SERPINB8: variants seen among roughly 807,000 people sequenced by gnomAD.
SERPINB8 encodes serpin B8.
Under a neutral mutation model 35.3 loss-of-function variants are expected in SERPINB8, and 25 were observed. The observed-to-expected ratio is 0.71, with a 90% CI of 0.52 to 0.99. SERPINB8 has a LOEUF of 0.99. Among genes scored for constraint, SERPINB8 ranks in the 50% least tolerant of loss-of-function variants. The pLI is 0.00. For missense variants in SERPINB8, 484 were observed against 446.5 expected (o/e 1.08, Z -0.76); for synonymous variants, 186 against 160.8 (o/e 1.16, Z -1.19).
At chr18:63,986,632 T>C in intron 6 of SERPINB8, 20 of 1,321,284 alleles carry the variant, frequency 1.5e-5, no homozygotes, top group Non-Finnish European at 1.9e-5. Flanking sequence ...ATTGTTTTTA[T>C]TAAAAATTTC....
chr18:63,972,387 C>A lies in SERPINB8; in HGVS notation c.-11+2217C>A, dbSNP rs117207307. Among the ~76,000 whole-genome samples the A allele has an allele frequency of 5.5e-4, 84 of 152,218 alleles. No individual in the cohort carries two copies. In the East Asian group the frequency reaches 0.015, roughly 28 times the overall value. Reference sequence around the variant, plus strand: ...ATTGTCCATGTCAAAAACTAAAGAACTTATAGATATGGTTCTTTCAGTTTT... The same window carrying A: ...ATTGTCCATGTCAAAAACTAAAGAAATTATAGATATGGTTCTTTCAGTTTT... On this transcript the variant is annotated intron_variant, in intron 1 of 6. Coordinates refer to ENST00000397985, the MANE Select transcript of SERPINB8 (RefSeq NM_002640.4).
At chr18:63,972,147 G>A (rs971592007) in intron 1 of SERPINB8, among the ~76,000 whole-genome samples, 2 of 152,126 alleles carry the variant, frequency 1.3e-5, no homozygotes, top group African/African-American at 4.8e-5. Context: ...GCTGGAGGCC[G>A]TGTTTCCCTA....
chr18:63,985,905 A>G (rs1599151012), intron 6 of SERPINB8, among the ~76,000 whole-genome samples: 1 of 152,194 alleles, frequency 6.6e-6, no homozygotes, highest in East Asian at 1.9e-4. Context: ...TCATTTATAA[A>G]GTTTGCTGAT....
rs375996936 is a variant in SERPINB8, at chr18:63,971,187, C to G, written c.-11+1017C>G. On this transcript the variant is annotated intron_variant, in intron 1 of 6. Transcript: ENST00000397985. ...GCGCGCGCGCTCTCCCCTCGCCCTC[C>G]TCTGTCTCTTCCTTTTACTACCTCC... Among the ~76,000 whole-genome samples the G allele has an allele frequency of 6.6e-5, 10 of 152,302 alleles. No homozygotes were observed. In the East Asian group the frequency reaches 1.7e-3, roughly 26 times the overall value.
chr18:64,016,823 A>C (rs78672070), intron 7 of SERPINB8, among the ~76,000 whole-genome samples: 7 of 152,122 alleles, frequency 4.6e-5, no homozygotes, highest in Non-Finnish European at 7.3e-5. Context: ...CAAATCCCTC[A>C]TTTTCCATGA....
chr18:63,970,549 G>C (rs140384137), intron 1 of SERPINB8: 91 of 152,774 alleles, frequency 6.0e-4, no homozygotes, highest in African/African-American at 2.1e-3. Flanking sequence ...GGATGGGAGC[G>C]GGGGGTGACG....
downstream of SERPINB8, among the ~76,000 whole-genome samples, chr18:63,989,916 C>T (rs1444641320): frequency 5.4e-5 from 6 of 111,086 alleles, 1 homozygote; most frequent in Non-Finnish European, 5.0e-5. Flanking sequence ...GCACTCCAGC[C>T]TGGGCGACAG....
intron 1 of SERPINB8, among the ~76,000 whole-genome samples, chr18:63,971,992 TTTTTTC>T (rs200188834): frequency 7.1e-6 from 1 of 141,822 alleles, no homozygotes; most frequent in Non-Finnish European, 1.6e-5. Context: ...CCGGCTTTTC[TTTTTTC>T]TTTTTTTTTT....
At chr18:63,991,145 C>G (rs1482711835), downstream of SERPINB8, among the ~76,000 whole-genome samples, 8 of 152,200 alleles carry the variant, frequency 5.3e-5, no homozygotes, top group Admixed American at 5.2e-4. Flanking sequence ...TTTGAAAACA[C>G]TTAAGTGACA....
chr18:64,013,706 G>T lies in SERPINB8; in HGVS notation c.*3-5204G>T, dbSNP rs540886151. On this transcript the variant is annotated intron_variant, in intron 7 of 7. Coordinates refer to the SERPINB8 transcript ENST00000636430. ...AGACATATTTAGATTGGCAGTGAGG[G>T]AAACCCTCTTTGAGAAAGTACCATT... Among the ~76,000 whole-genome samples the T allele has an allele frequency of 5.3e-5, 8 of 152,330 alleles. No individual in the cohort carries two copies. The South Asian group carries it at 1.4e-3, about 28-fold the overall frequency.
At chr18:63,991,805 A>G (rs1017346684), downstream of SERPINB8, among the ~76,000 whole-genome samples, 1 of 152,210 alleles carries the variant, frequency 6.6e-6, no homozygotes, top group Non-Finnish European at 1.5e-5. Flanking sequence ...TAGGCTTTTC[A>G]TAGGTGCCCT....
At chr18:63,995,235 G>C (rs1482898734) in intron 1 of SERPINB8, among the ~76,000 whole-genome samples, 5 of 150,722 alleles carry the variant, frequency 3.3e-5, no homozygotes, top group Non-Finnish European at 5.9e-5. Context: ...TCCCCAGACA[G>C]CTAGACTTTT....
intron 1 of SERPINB8, among the ~76,000 whole-genome samples, chr18:63,999,396 T>C (rs1034902521): frequency 6.6e-6 from 1 of 152,198 alleles, no homozygotes; most frequent in Non-Finnish European, 1.5e-5. Context: ...ACCCTGGTAC[T>C]GTAGGAACGA....
rs971199957 is a variant in SERPINB8, at chr18:64,004,143, C to T, written c.71-676C>T. Among the ~76,000 whole-genome samples the T allele has an allele frequency of 1.7e-4, 17 of 101,478 alleles. 1 individual carries two copies. Among genetic ancestry groups the T allele is most frequent in the East Asian group, 6.9e-4 (2 of 2,904 alleles). 66.6% of individuals were successfully genotyped at this position (101,478 alleles called of 152,430 possible). ...TGGAGTATTTGAGAAAACTGTTTTGCCTATATCTTTTTTGGAGACCGGAAG... is the reference window on the plus strand; with the variant it reads ...TGGAGTATTTGAGAAAACTGTTTTGTCTATATCTTTTTTGGAGACCGGAAG... On this transcript the variant is annotated intron_variant, in intron 1 of 1. Coordinates refer to the SERPINB8 transcript ENST00000493661.
At chr18:63,999,650 A>G (rs535257147) in intron 1 of SERPINB8, among the ~76,000 whole-genome samples, 4 of 152,200 alleles carry the variant, frequency 2.6e-5, no homozygotes, top group Non-Finnish European at 4.4e-5. Context: ...AACCCGATGT[A>G]TACCTTTAGA....
At chr18:64,018,740 A>G (rs190484104) in intron 7 of SERPINB8, among the ~76,000 whole-genome samples, 2 of 152,266 alleles carry the variant, frequency 1.3e-5, no homozygotes, top group East Asian at 3.9e-4. Flanking sequence ...TACACTTCCT[A>G]TTTTTCTGGT....
Position 63,978,522 on chromosome 18 carries a change from G to T in SERPINB8, c.168+46G>T, listed in dbSNP as rs185298515. 5.1e-4 allele frequency: 813 copies of T among 1,599,568 alleles called. 2 individuals are homozygous for T. The highest frequency in any genetic ancestry group is 9.9e-5 in the Non-Finnish European group (116 of 1,169,756). On this transcript the variant is annotated intron_variant, in intron 2 of 6. Transcript: ENST00000397985. ...GGAAGGAGAACAGTGTGTTTCCCTT[G>T]TGCTTCCATACAGCTGTCTTTCTGT...
intron 1 of SERPINB8, among the ~76,000 whole-genome samples, chr18:63,977,585 T>C (rs544762692): frequency 6.6e-6 from 1 of 152,264 alleles, no homozygotes; most frequent in African/African-American, 2.4e-5. Flanking sequence ...GCCTTGGCTT[T>C]CCAAAGTGCT....
At chr18:63,990,740 CCCA>C (rs1433113543), downstream of SERPINB8, among the ~76,000 whole-genome samples, 11 of 131,364 alleles carry the variant, frequency 8.4e-5, no homozygotes, top group Non-Finnish European at 1.7e-4. Context: ...TTGTTCAATT[CCCA>C]CCATTTCTAT....
Sources: allele counts gnomAD v4.1 joint callset (sites outside exome capture counted in the v4.1 genomes callset), GRCh38; gene constraint gnomAD v4.1.1; transcripts MANE v1.5; gene names NCBI Gene and HGNC (gene_info 2026-07-23, HGNC 2026-07-21).